Variants in CCDC88B observed in about 807,000 individuals in gnomAD.
The protein encoded by CCDC88B is coiled-coil and HOOK domain protein 88B.
A neutral mutation model predicts 183.7 loss-of-function variants in CCDC88B; 138 were observed. The ratio of observed to expected loss-of-function variants is 0.75; its 90% confidence interval spans 0.65 to 0.87. The LOEUF (loss-of-function observed/expected upper bound fraction) is 0.87. Ranked by LOEUF, CCDC88B falls within the 40% of genes least tolerant of loss-of-function variation. The pLI, the probability that CCDC88B is intolerant of heterozygous loss-of-function variation, is 0.00. For synonymous variants in CCDC88B, 835 were observed against 867.5 expected (o/e 0.96, Z 0.66); for missense variants, 1,822 against 1,965.6 (o/e 0.93, Z 1.38).
chr11:64,342,710 GCGTGC>G, intron 10 of CCDC88B, 30 bp downstream of exon 10: 1 of 1,451,606 alleles, frequency 6.9e-7, no homozygotes, highest in Non-Finnish European at 9.0e-7. Flanking sequence ...GCGGGGCGGG[GCGTGC>G]GCGAGGGGGC....
Position 64,352,874 on chromosome 11 carries a change from A to G in CCDC88B, c.3487A>G (p.Ser1163Gly), listed in dbSNP as rs1029486338. 6.9e-6 allele frequency: 11 copies of G among 1,597,450 alleles called. No individual in the cohort carries two copies. Among genetic ancestry groups the G allele is most frequent in the Non-Finnish European group, 9.4e-6 (11 of 1,173,414 alleles). ...GLEEELRRLQ[S>G]EHDRAQMLLA... ...GGAGGAGGAGCTGCGGAGGCTTCAG[A>G]GCGAGCACGACAGGTGCCGCCCCTG... is the stretch of plus-strand genomic sequence containing the variant. Residue 1163 changes from serine to glycine, a missense_variant, in exon 20 of 27, where the codon AGC (serine) becomes GGC (glycine). Physicochemically the swap from Ser to Gly is moderately conservative, Grantham distance 56. Transcript: ENST00000356786.
intron 16 of CCDC88B, 101 bp from the exon 17 acceptor site, chr11:64,351,059 C>A: frequency 2.5e-6 from 2 of 793,928 alleles, no homozygotes; most frequent in Non-Finnish European, 3.8e-6. Flanking sequence ...GTGGACTAGG[C>A]TAAATGCTGC....
chr11:64,351,682 C>A (rs1448619193), intron 18 of CCDC88B, 66 bp downstream of exon 18: 1 of 1,453,962 alleles, frequency 6.9e-7, no homozygotes, highest in Non-Finnish European at 9.0e-7. Context: ...TTTGGATCAT[C>A]CTGTGGCCTT....
At chr11:64,354,510 G>C (rs932874079) in intron 24 of CCDC88B, among the ~76,000 whole-genome samples, 1 of 152,044 alleles carries the variant, frequency 6.6e-6, no homozygotes, top group Non-Finnish European at 1.5e-5. Context: ...TTTTGCCCAA[G>C]GTCATGCAGT....
intron 7 of CCDC88B, 55 bp from the exon 8 acceptor site, chr11:64,341,939 C>T: frequency 6.4e-7 from 1 of 1,559,334 alleles, no homozygotes; most frequent in Non-Finnish European, 8.7e-7. Context: ...GGTTGGGGGT[C>T]GATGTGCAGA....
Position 64,353,100 on chromosome 11 carries a change from C to T in CCDC88B, c.3547C>T (p.Gln1183Ter). Residue 1183 changes from glutamine to a stop codon, truncating the protein, a stop_gained, in exon 21 of 27, where the codon CAG (glutamine) becomes TAG (stop). Coordinates refer to ENST00000356786, the MANE Select transcript of CCDC88B (RefSeq NM_032251.6). LOFTEE classifies it high-confidence loss of function. Reference protein sequence around the residue: ...AELSRERGELQGERGELRGRL... With the variant: ...AELSRERGEL ...GTTGTCTCGGGAGCGGGGTGAGCTG[C>T]AGGGTGAACGCGGGGAGCTACGGGG... 6.2e-7 allele frequency: 1 copy of T among 1,607,254 alleles called. No individual in the cohort carries two copies. Among genetic ancestry groups the T allele is most frequent in the Non-Finnish European group, 8.5e-7 (1 of 1,177,700 alleles).
At chr11:64,340,799 A>C in intron 2 of CCDC88B, 47 bp downstream of exon 2, 1 of 1,555,686 alleles carries the variant, frequency 6.4e-7, no homozygotes, top group Non-Finnish European at 8.7e-7. Context: ...ATCTGAGAGG[A>C]GGGGAAGCGG....
chr11:64,353,611 A>C (rs905363200), intron 22 of CCDC88B, 104 bp from the exon 23 acceptor site: 12 of 1,578,598 alleles, frequency 7.6e-6, no homozygotes, highest in Non-Finnish European at 1.0e-5. Context: ...AGGTCAGTCC[A>C]ATCTGCGGCA....
In CCDC88B at chr11:64,342,880, G is replaced by C. The variant is rs532228213; in HGVS notation, c.1062+200G>C. 69 of 526,728 alleles carry C rather than the reference G, an allele frequency of 1.3e-4. 1 individual carries two copies. In the South Asian group the frequency reaches 1.4e-3, roughly 11 times the overall value. The allele number at this position is 526,728 out of a possible 1,614,324, so 32.6% of individuals were successfully genotyped here. ...GATGGGGCAGGTGTAGGGGAGTGGG[G>C]GGGCTGTGTAAGTGATGCAGCCTTG... On this transcript the variant is annotated intron_variant, in intron 10 of 26. Coordinates refer to ENST00000356786, the MANE Select transcript of CCDC88B (RefSeq NM_032251.6).
chr11:64,341,582 C>A lies in CCDC88B; in HGVS notation c.532-17C>A, dbSNP rs375096255. Reference sequence around the variant, plus strand: ...CCACACCGCGGCTTCCACTGAACTGCTCTTCCTGCGCCCCAGGTGACCCAG... The same window carrying A: ...CCACACCGCGGCTTCCACTGAACTGATCTTCCTGCGCCCCAGGTGACCCAG... On this transcript the variant is annotated splice_polypyrimidine_tract_variant and intron_variant, in intron 6 of 26. Transcript: ENST00000356786. The A allele has an allele frequency of 6.2e-7, 1 of 1,604,650 alleles. No homozygotes were observed. The highest frequency in any genetic ancestry group is 1.7e-5 in the Admixed American group (1 of 59,522).
chr11:64,341,739 C>A lies in CCDC88B; in HGVS notation c.672C>A (p.Ala224=). 1 of 1,563,882 alleles carries A rather than the reference C, an allele frequency of 6.4e-7. No homozygotes were observed. Among genetic ancestry groups the A allele is most frequent in the Non-Finnish European group, 8.6e-7 (1 of 1,158,914 alleles). ...TGGCACGGGAGCGTGACCTGGGGGC[C>A]CAGGTAGGGGCAGCAGGGGCATCGT... The part of the protein sequence containing the change: ...SKLARERDLG[A]QRLAELLLER... The change falls in exon 7 of 27, where the codon GCC becomes GCA. Residue 224 remains alanine, a synonymous_variant. Coordinates refer to ENST00000356786, the MANE Select transcript of CCDC88B (RefSeq NM_032251.6).
At position 64,353,442 on chromosome 11, in the gene CCDC88B, T is replaced by A. The variant is rs757305250; in HGVS notation, c.3779T>A (p.Leu1260Gln). The A allele has an allele frequency of 2.4e-5, 38 of 1,612,934 alleles. No individual in the cohort carries two copies. The highest frequency in any genetic ancestry group is 1.8e-4 in the South Asian group (16 of 91,058). ...CTGAGCCGGGAGAACAGGGAGCTCC[T>A]GGAGCGCAGCCTGGAGAGTCGGGAC... ...QALSRENRELLERSLESRDHL... is the reference protein window; with the variant it reads ...QALSRENRELQERSLESRDHL... The change falls in exon 22 of 27, where the codon CTG becomes CAG. Residue 1260 changes from leucine to glutamine, a missense_variant. By Grantham distance (113) the Leu-to-Gln change is moderately radical. Transcript: ENST00000356786.
chr11:64,340,631 G>A lies in CCDC88B; in HGVS notation c.85G>A (p.Gly29Arg). Residue 29 changes from glycine (G) to arginine (R), a missense_variant, in exon 2 of 27, where the codon GGG (glycine) becomes AGG (arginine). Gly to Arg is a moderately radical substitution (Grantham distance 125, BLOSUM62 -2). Transcript: ENST00000356786. ...GGCGCTGGGACTGGCCGGGCTGGTC[G>A]GGGAGGCGGAGGACTCGGAGGGGGA... ...TWALGLAGLV[G>R]EAEDSEGEEE... 1 of 1,610,190 alleles carries A rather than the reference G, an allele frequency of 6.2e-7. No homozygotes were observed. The highest frequency in any genetic ancestry group is 1.1e-5 in the South Asian group (1 of 91,044).
intron 7 of CCDC88B, 92 bp from the exon 8 acceptor site, chr11:64,341,901 CA>C: frequency 2.9e-6 from 2 of 694,222 alleles, no homozygotes; most frequent in Non-Finnish European, 4.2e-6. Context: ...CCCAAGACCC[CA>C]GACCACAACC....
At chr11:64,345,197 G>A in intron 14 of CCDC88B, 40 bp downstream of exon 14, 1 of 1,529,150 alleles carries the variant, frequency 6.5e-7, no homozygotes. Flanking sequence ...TTGGGAAGCA[G>A]AGTTCCAGGC....
intron 18 of CCDC88B, 33 bp from the exon 19 acceptor site, chr11:64,352,097 C>A: frequency 1.3e-6 from 2 of 1,518,660 alleles, no homozygotes; most frequent in South Asian, 1.3e-5. Context: ...GGGGTTCCTC[C>A]CCAGCAGCCC....
chr11:64,354,691 G>GCCCC (rs370604268), intron 24 of CCDC88B, among the ~76,000 whole-genome samples: 1 of 14,328 alleles, frequency 7.0e-5, no homozygotes, highest in African/African-American at 1.5e-4. Flanking sequence ...ATGAGCCTCC[G>GCCCC]CCCCCCCCCT....
chr11:64,355,701 A>T, intron 26 of CCDC88B, 73 bp downstream of exon 26: 1 of 1,358,634 alleles, frequency 7.4e-7, no homozygotes, highest in South Asian at 1.4e-5. Context: ...TCATTCATCC[A>T]TTCTTTCATT....
At position 64,342,350 on chromosome 11, in the gene CCDC88B, C is replaced by T. The variant is rs1339391504; in HGVS notation, c.878C>T (p.Ala293Val). The T allele has an allele frequency of 1.3e-6, 2 of 1,592,758 alleles. No homozygotes were observed. Among genetic ancestry groups the T allele is most frequent in the Non-Finnish European group, 1.7e-6 (2 of 1,170,290 alleles). ...DSQAEVQGLE[A>V]EIRRLRQEAQ... ...CAGGCCGAGGTGCAGGGTTTGGAGG[C>T]CGAAATAAGAAGGCTCCGCCAGGAG... The change falls in exon 9 of 27, where the codon GCC becomes GTC. Residue 293 changes from alanine to valine, a missense_variant. By Grantham distance (64) the Ala-to-Val change is moderately conservative. Coordinates refer to ENST00000356786, the MANE Select transcript of CCDC88B (RefSeq NM_032251.6).
Sources: gnomAD v4.1 joint callset for allele counts (sites outside exome capture counted in the v4.1 genomes callset) on GRCh38, gnomAD v4.1.1 for gene constraint, MANE v1.5 for transcripts, NCBI Gene and HGNC (gene_info 2026-07-23, HGNC 2026-07-21) for gene names.